The following SAMD12 variants were observed in gnomAD, a reference collection of about 807,000 sequenced individuals.
SAMD12 encodes the protein sterile alpha motif domain-containing protein 12.
Under a neutral mutation model 15.0 loss-of-function variants are expected in SAMD12, and 9 were observed. The observed-to-expected ratio is 0.60, with a 90% confidence interval of 0.36 to 1.05. The LOEUF (loss-of-function observed/expected upper bound fraction) is 1.05. Ranked by LOEUF, SAMD12 falls within the 50% of genes least tolerant of loss-of-function variation. The probability of loss-of-function intolerance (pLI) is 0.01; values close to 1 mark genes in which losing one functional copy is unlikely to be tolerated. For synonymous variants in SAMD12, 86 were observed against 90.1 expected (o/e 0.96, Z 0.25); for missense variants, 230 against 234.2 (o/e 0.98, Z 0.12).
At chr8:118,202,266 C>T (rs1378089560) in intron 4 of SAMD12, among the ~76,000 whole-genome samples, 1 of 152,198 alleles carries the variant, frequency 6.6e-6, no homozygotes, top group African/African-American at 2.4e-5. Flanking sequence ...CGCTAAGTAT[C>T]AGTGTTTTAA....
exon 5 of SAMD12, chr8:118,192,150 A>T (rs2129734339): frequency 6.6e-6 from 1 of 151,944 alleles, no homozygotes; most frequent in African/African-American, 2.4e-5. Context: ...AAGTGAAAGC[A>T]TGATCTAGTA....
chr8:118,291,588 T>C lies in SAMD12; in HGVS notation c.433+87972A>G, dbSNP rs377272619. 8.5e-4 allele frequency among the ~76,000 whole-genome samples: 130 copies of C among 152,272 alleles called. 4 individuals carry two copies. In the South Asian group the frequency reaches 0.026, roughly 30 times the overall value. On this transcript the variant is annotated intron_variant, in intron 4 of 4. Coordinates refer to the SAMD12 transcript ENST00000409003. ...GGGTCTGGCTGATGTTTCAGGGGCC[T>C]GGTTTCTGCCAGTCCTCAGCTCTGA...
intron 4 of SAMD12, among the ~76,000 whole-genome samples, chr8:118,231,820 A>C (rs2129925371): frequency 6.6e-6 from 1 of 151,796 alleles, no homozygotes; most frequent in South Asian, 2.1e-4. Context: ...GCAATTTGGT[A>C]TGGCCATGTG....
the SAMD12 span, among the ~76,000 whole-genome samples, chr8:118,132,167 G>A: frequency 6.6e-6 from 1 of 152,050 alleles, no homozygotes; most frequent in South Asian, 2.1e-4. Context: ...ATTACCATAT[G>A]GATATATACA....
At chr8:118,362,736 T>A (rs1355533746) in intron 4 of SAMD12, among the ~76,000 whole-genome samples, 1 of 152,240 alleles carries the variant, frequency 6.6e-6, no homozygotes, top group Non-Finnish European at 1.5e-5. Flanking sequence ...TTAATAAATT[T>A]CTGTCCACTC....
intron 2 of SAMD12, among the ~76,000 whole-genome samples, chr8:118,526,719 G>A (rs1373699820): frequency 6.6e-6 from 1 of 152,170 alleles, no homozygotes; most frequent in Non-Finnish European, 1.5e-5. Flanking sequence ...TTTGAGAAGA[G>A]ACAGTCTGGC....
chr8:118,384,548 G>A (rs1819844010), intron 3 of SAMD12, among the ~76,000 whole-genome samples: 1 of 152,128 alleles, frequency 6.6e-6, no homozygotes, highest in Admixed American at 6.5e-5. Flanking sequence ...CTGAGGGAAA[G>A]ACAGACATCA....
chr8:118,511,245 G>A (rs1389147600), intron 2 of SAMD12, among the ~76,000 whole-genome samples: 1 of 152,196 alleles, frequency 6.6e-6, no homozygotes, highest in Non-Finnish European at 1.5e-5. Flanking sequence ...TGATGGGAAT[G>A]GGAAGGGGAA....
chr8:118,315,982 C>T (rs73321987), intron 4 of SAMD12, among the ~76,000 whole-genome samples: 4,185 of 152,168 alleles, frequency 0.028, 174 homozygotes, highest in African/African-American at 0.093. Context: ...TCTTGAAATG[C>T]CGGAGAAGGG....
intron 3 of SAMD12, among the ~76,000 whole-genome samples, chr8:118,392,268 TAC>T (rs1820319295): frequency 6.6e-6 from 1 of 151,974 alleles, no homozygotes; most frequent in South Asian, 2.1e-4. Flanking sequence ...TCTACTAAAA[TAC>T]ACACAAAAAA....
At chr8:118,331,951 C>T (rs745888257) in intron 4 of SAMD12, among the ~76,000 whole-genome samples, 9 of 152,204 alleles carry the variant, frequency 5.9e-5, no homozygotes, top group Middle Eastern at 3.4e-3. Flanking sequence ...AGATTTTAAA[C>T]ATGTATTAAT....
chr8:118,414,129 C>T (rs147933020), intron 3 of SAMD12, among the ~76,000 whole-genome samples: 7 of 152,270 alleles, frequency 4.6e-5, no homozygotes, highest in Non-Finnish European at 7.3e-5. Context: ...GTTTGGTTAA[C>T]GCATGCGTAT....
intron 2 of SAMD12, among the ~76,000 whole-genome samples, chr8:118,572,576 T>A (rs949325166): frequency 6.6e-6 from 1 of 151,820 alleles, no homozygotes; most frequent in Non-Finnish European, 1.5e-5. Context: ...TGACAGAGAA[T>A]AAGTCTCACG....
intron 3 of SAMD12, among the ~76,000 whole-genome samples, chr8:118,429,793 C>G (rs1822341726): frequency 6.6e-6 from 1 of 152,104 alleles, no homozygotes; most frequent in African/African-American, 2.4e-5. Flanking sequence ...ACTCGGGAGG[C>G]TGAGGAAGGA....
At position 118,550,548 on chromosome 8, in the gene SAMD12, C is replaced by A. The variant is rs1159260486; in HGVS notation, c.192+30167G>T. On this transcript the variant is annotated intron_variant, in intron 2 of 3. Coordinates refer to ENST00000314727, the MANE Select transcript of SAMD12 (RefSeq NM_207506.3). ...AGGAAGCACTAAACATGGAAAGGAA[C>A]AACCGGTACCAGCCGCTGCAAAATC... Among the ~76,000 whole-genome samples the A allele has an allele frequency of 5.3e-5, 8 of 152,306 alleles. No individual in the cohort carries two copies. In the East Asian group the frequency reaches 5.8e-4, roughly 11 times the overall value.
chr8:118,159,134 A>G, the SAMD12 span, among the ~76,000 whole-genome samples: 8 of 152,082 alleles, frequency 5.3e-5, no homozygotes, highest in Admixed American at 4.6e-4. Context: ...AGAAGAGGGA[A>G]GAACTGTGGC....
intron 2 of SAMD12, among the ~76,000 whole-genome samples, chr8:118,509,736 A>T (rs1228751273): frequency 6.6e-6 from 1 of 152,098 alleles, no homozygotes; most frequent in Non-Finnish European, 1.5e-5. Context: ...TTGTCTCAAC[A>T]TTTACACATA....
chr8:118,558,409 T>C (rs1826605320), intron 2 of SAMD12, among the ~76,000 whole-genome samples: 1 of 152,212 alleles, frequency 6.6e-6, no homozygotes, highest in Non-Finnish European at 1.5e-5. Flanking sequence ...ATTAGGTGTA[T>C]GGAACTTTAG....
chr8:118,396,660 T>A (rs942823245), intron 3 of SAMD12, among the ~76,000 whole-genome samples: 3 of 152,226 alleles, frequency 2.0e-5, no homozygotes, highest in Non-Finnish European at 4.4e-5. Context: ...AGACTAGTAA[T>A]TGTCAGAGCA....
Sources: allele counts gnomAD v4.1 joint callset (sites outside exome capture counted in the v4.1 genomes callset), GRCh38; gene constraint gnomAD v4.1.1; transcripts MANE v1.5; gene names NCBI Gene and HGNC (gene_info 2026-07-23, HGNC 2026-07-21).